Variants in EPHA6 observed in about 807,000 individuals in gnomAD.
EPHA6 encodes the protein EPH receptor A6, also known as ephrin type-A receptor 6.
Under a neutral mutation model 112.0 loss-of-function variants are expected in EPHA6, and 50 were observed. The observed-to-expected ratio is 0.45, with a 90% confidence interval of 0.36 to 0.56. The LOEUF (loss-of-function observed/expected upper bound fraction) is 0.56, where lower values mean the gene tolerates loss of function less well. Ranked by LOEUF, EPHA6 falls within the 20% of genes least tolerant of loss-of-function variation. The pLI is 0.00. For missense variants in EPHA6, 1,280 were observed against 1,417.4 expected (o/e 0.90, Z 1.56); for synonymous variants, 529 against 490.7 (o/e 1.08, Z -1.03).
rs918344820 is a variant in EPHA6, at chr3:97,466,234, G to A, written c.1895-9118G>A. On this transcript the variant is annotated intron_variant, in intron 7 of 17. Transcript: ENST00000389672. ...ACCGGGCAAACAGACTTGGGAGGCT[G>A]TGTTTATCATCAAAATCAAAAGATG... The A allele has an allele frequency of 3.3e-6, 3 of 922,992 alleles. No homozygotes were observed. The East Asian group carries it at 7.4e-5, about 23-fold the overall frequency. The allele number at this position is 922,992 out of a possible 1,614,324, so 57.2% of individuals were successfully genotyped here. A position where few individuals can be genotyped will look rare whatever the true frequency, so the allele number is the denominator to read the frequency against.
intron 7 of EPHA6, among the ~76,000 whole-genome samples, chr3:97,458,007 G>A (rs930641647): frequency 1.5e-5 from 2 of 135,108 alleles, no homozygotes; most frequent in African/African-American, 5.5e-5. Flanking sequence ...GGCGGAGCTT[G>A]CAGTGAGCCG....
chr3:97,479,928 C>T (rs1010333418), intron 9 of EPHA6, among the ~76,000 whole-genome samples: 1 of 152,084 alleles, frequency 6.6e-6, no homozygotes, highest in Admixed American at 6.5e-5. Context: ...ACTTCTCCTC[C>T]TCAACATCCA....
chr3:97,611,392 A>T (rs573135902), intron 13 of EPHA6, among the ~76,000 whole-genome samples: 1 of 151,984 alleles, frequency 6.6e-6, no homozygotes, highest in Admixed American at 6.6e-5. Flanking sequence ...TTTTACAAAA[A>T]CATTATTTTT....
intron 2 of EPHA6, among the ~76,000 whole-genome samples, chr3:96,975,112 A>T (rs1442713575): frequency 6.6e-6 from 1 of 152,060 alleles, no homozygotes; most frequent in Non-Finnish European, 1.5e-5. Flanking sequence ...TAGTTTGAAT[A>T]ATTCCTGTGG....
intron 2 of EPHA6, among the ~76,000 whole-genome samples, chr3:96,889,019 AG>A (rs1412944195): frequency 6.6e-6 from 1 of 152,114 alleles, no homozygotes; most frequent in Non-Finnish European, 1.5e-5. Flanking sequence ...TCATGTTCAA[AG>A]TTCCACAAAT....
At chr3:97,464,271 C>T (rs967089798) in intron 7 of EPHA6, among the ~76,000 whole-genome samples, 6 of 152,028 alleles carry the variant, frequency 3.9e-5, no homozygotes, top group African/African-American at 9.7e-5. Flanking sequence ...ACAGGGAGAA[C>T]AGTCTTCCAA....
At chr3:96,926,671 T>A (rs2040051204) in intron 2 of EPHA6, among the ~76,000 whole-genome samples, 1 of 152,214 alleles carries the variant, frequency 6.6e-6, no homozygotes, top group Middle Eastern at 3.2e-3. Context: ...GTCCAAACAT[T>A]AGCATGGCAG....
chr3:97,428,782 G>A (rs1011152323), intron 6 of EPHA6, among the ~76,000 whole-genome samples: 1 of 152,084 alleles, frequency 6.6e-6, no homozygotes, highest in African/African-American at 2.4e-5. Flanking sequence ...TGAGATCCGG[G>A]TACTAGAACC....
intron 14 of EPHA6, among the ~76,000 whole-genome samples, chr3:97,671,090 C>T (rs2030767187): frequency 6.6e-6 from 1 of 152,100 alleles, no homozygotes; most frequent in East Asian, 1.9e-4. Context: ...TAGTGTATCT[C>T]CTAGAGTCTC....
At chr3:97,026,273 G>T (rs2044635247) in intron 3 of EPHA6, among the ~76,000 whole-genome samples, 1 of 151,860 alleles carries the variant, frequency 6.6e-6, no homozygotes, top group Admixed American at 6.6e-5. Context: ...GGTTCCAGAT[G>T]AATTTTAGAA....
intron 10 of EPHA6, among the ~76,000 whole-genome samples, chr3:97,501,270 T>C (rs1000330074): frequency 6.6e-6 from 1 of 152,078 alleles, no homozygotes; most frequent in Non-Finnish European, 1.5e-5. Context: ...GATGAATATA[T>C]AGAGATTGAG....
At position 97,243,948 on chromosome 3, in the gene EPHA6, C is replaced by G; in HGVS notation, c.1271-4C>G. 4.4e-6 allele frequency: 7 copies of G among 1,594,968 alleles called. No individual in the cohort carries two copies. Among genetic ancestry groups the G allele is most frequent in the Admixed American group, 1.7e-5 (1 of 57,656 alleles). The stretch of plus-strand genomic sequence containing the variant: ...ACATTTGTTTTTTAATTGCTTTTCT[C>G]TAGGGCCACCTTCAGCTCCTAGGAA... On this transcript the variant is annotated splice_region_variant and splice_polypyrimidine_tract_variant and intron_variant, in intron 4 of 17. Coordinates refer to ENST00000389672, the MANE Select transcript of EPHA6 (RefSeq NM_001080448.3).
Position 97,605,269 on chromosome 3 carries a change from T to C in EPHA6, c.2513-5524T>C, listed in dbSNP as rs538549741. Among the ~76,000 whole-genome samples, 349 of 151,614 alleles carry C rather than the reference T, an allele frequency of 2.3e-3. 3 individuals carry two copies. The highest frequency in any genetic ancestry group is 3.9e-3 in the South Asian group (19 of 4,814). ...AGAGGAAGGTGCAAGTAAAGTAATA[T>C]TCAGGAAATTATGAGTCACTGAGAG... On this transcript the variant is annotated intron_variant, in intron 12 of 17. Coordinates refer to ENST00000389672, the MANE Select transcript of EPHA6 (RefSeq NM_001080448.3).
intron 3 of EPHA6, among the ~76,000 whole-genome samples, chr3:97,085,726 A>G (rs1183450637): frequency 1.3e-5 from 2 of 151,932 alleles, no homozygotes; most frequent in Non-Finnish European, 2.9e-5. Context: ...TTTCACATAC[A>G]CTGTACTATT....
At chr3:97,512,403 G>A (rs2107594880) in intron 10 of EPHA6, among the ~76,000 whole-genome samples, 1 of 152,230 alleles carries the variant, frequency 6.6e-6, no homozygotes, top group East Asian at 1.9e-4. Context: ...ATAATAAATA[G>A]TAATTCAGGA....
chr3:97,443,299 T>C (rs2107290251), intron 6 of EPHA6, among the ~76,000 whole-genome samples: 1 of 148,662 alleles, frequency 6.7e-6, no homozygotes, highest in Middle Eastern at 3.5e-3. Flanking sequence ...AAACAACCTG[T>C]AGCTTCAGTC....
At chr3:96,864,127 C>T (rs141429063) in intron 1 of EPHA6, among the ~76,000 whole-genome samples, 1 of 152,136 alleles carries the variant, frequency 6.6e-6, no homozygotes, top group Admixed American at 6.6e-5. Flanking sequence ...TATTGTGAAT[C>T]TAAAATTTCA....
At chr3:97,119,581 T>C (rs2047986065) in intron 3 of EPHA6, among the ~76,000 whole-genome samples, 1 of 151,802 alleles carries the variant, frequency 6.6e-6, no homozygotes, top group African/African-American at 2.4e-5. Context: ...GGCAAATCAG[T>C]AGCTTAAAAA....
chr3:97,104,225 C>G (rs562731046), intron 3 of EPHA6, among the ~76,000 whole-genome samples: 1 of 151,876 alleles, frequency 6.6e-6, no homozygotes, highest in Non-Finnish European at 1.5e-5. Flanking sequence ...GTCTTACGCC[C>G]TTTTCAAATA....
Sources: gnomAD v4.1 joint callset for allele counts (sites outside exome capture counted in the v4.1 genomes callset) on GRCh38, gnomAD v4.1.1 for gene constraint, MANE v1.5 for transcripts, NCBI Gene and HGNC (gene_info 2026-07-23, HGNC 2026-07-21) for gene names.